TENM4: variants seen among roughly 807,000 people sequenced by gnomAD.
The protein encoded by TENM4 is teneurin-4.
In TENM4, 82 loss-of-function variants were observed where a neutral mutation model predicts 243.3. That is an observed-to-expected ratio of 0.34 (90% CI 0.28 to 0.40). The LOEUF is 0.40. Among genes scored for constraint, TENM4 ranks in the 10% least tolerant of loss-of-function variants. The probability of loss-of-function intolerance (pLI) is 1.00; values close to 1 mark genes in which losing one functional copy is unlikely to be tolerated. For synonymous variants in TENM4, 1,412 were observed against 1,456.3 expected (o/e 0.97, Z 0.69); for missense variants, 3,138 against 3,673.3 (o/e 0.85, Z 3.77).
chr11:79,370,779 TAAAAAAAAAAAAAA>T lies in TENM4; in HGVS notation c.-321+69716_-321+69729del, dbSNP rs544196671. On this transcript the variant is annotated intron_variant, in intron 1 of 33. Coordinates refer to ENST00000278550, the MANE Select transcript of TENM4 (RefSeq NM_001098816.3). ...ACTCCTAAAGGCACAACTCCTATGG[TAAAAAAAAAAAAAA>T]AAAAAAAAAAAAAAAAGTGATAAAT... Among the ~76,000 whole-genome samples, 194 of 57,174 alleles carry T rather than the reference TAAAAAAAAAAAAAA, an allele frequency of 3.4e-3. 5 individuals carry two copies. The highest frequency in any genetic ancestry group is 0.01 in the African/African-American group (176 of 16,988). 37.5% of individuals were successfully genotyped at this position (57,174 alleles called of 152,430 possible).
chr11:79,268,559 T>C (rs915708404), intron 2 of TENM4, among the ~76,000 whole-genome samples: 1 of 152,212 alleles, frequency 6.6e-6, no homozygotes, highest in Non-Finnish European at 1.5e-5. Context: ...ATTGTATTTG[T>C]GAATTTTGCT....
chr11:78,804,997 A>C (rs1055160919), intron 15 of TENM4, among the ~76,000 whole-genome samples: 1 of 152,176 alleles, frequency 6.6e-6, no homozygotes, highest in Admixed American at 6.5e-5. Context: ...ATGATGTCTT[A>C]ACATGAGATG....
intron 6 of TENM4, among the ~76,000 whole-genome samples, chr11:78,950,780 A>G (rs1857094373): frequency 6.6e-6 from 1 of 152,268 alleles, no homozygotes; most frequent in African/African-American, 2.4e-5. Context: ...CATAAGGGAA[A>G]AATGAAAACT....
chr11:79,315,310 C>A (rs1164357106), intron 1 of TENM4, among the ~76,000 whole-genome samples: 1 of 152,184 alleles, frequency 6.6e-6, no homozygotes, highest in East Asian at 1.9e-4. Context: ...AGCTGGGGCC[C>A]TGCTCCCAGA....
At chr11:78,811,569 A>AGCACACAC (rs1857500835) in intron 14 of TENM4, among the ~76,000 whole-genome samples, 1 of 65,032 alleles carries the variant, frequency 1.5e-5, no homozygotes, top group African/African-American at 4.0e-5. Flanking sequence ...CATACACATG[A>AGCACACAC]ACACACACAC....
At chr11:79,192,099 G>GC (rs1863519840) in intron 3 of TENM4, among the ~76,000 whole-genome samples, 1 of 149,506 alleles carries the variant, frequency 6.7e-6, no homozygotes, top group African/African-American at 2.5e-5. Flanking sequence ...GGTGGGGGGG[G>GC]GTCAGCCCCC....
chr11:79,251,796 T>A, intron 2 of TENM4, among the ~76,000 whole-genome samples: 1 of 142,302 alleles, frequency 7.0e-6, no homozygotes. Flanking sequence ...AATAAGCAAA[T>A]AAAACTCGAA....
intron 2 of TENM4, among the ~76,000 whole-genome samples, chr11:79,249,055 A>G (rs905732345): frequency 4.6e-5 from 7 of 152,222 alleles, no homozygotes; most frequent in African/African-American, 1.7e-4. Flanking sequence ...TTCAATTTTT[A>G]TTTAGCATCA....
rs147535964 is a variant in TENM4 at position 79,233,961 on chromosome 11, C to T, written c.-264-18052G>A. Among the ~76,000 whole-genome samples the T allele has an allele frequency of 9.9e-5, 15 of 152,284 alleles. No homozygotes were observed. In the East Asian group the frequency reaches 2.9e-3, roughly 29 times the overall value. ...CTGTGTGAGGGGAAGCATGCAGTTACCTCTGCAGTGTGATGGATCCCAACG... is the reference window on the plus strand; with the variant it reads ...CTGTGTGAGGGGAAGCATGCAGTTATCTCTGCAGTGTGATGGATCCCAACG... On this transcript the variant is annotated intron_variant, in intron 2 of 33. Transcript: ENST00000278550.
Position 79,211,269 on chromosome 11 carries a change from G to A in TENM4, c.-163+4539C>T, listed in dbSNP as rs12294028. Reference sequence around the variant, plus strand: ...TAAGGTCTCCCTACAGCAGTGAGGCGTCATTCCAGGAGAACTCCTGTCCCC... The same window carrying A: ...TAAGGTCTCCCTACAGCAGTGAGGCATCATTCCAGGAGAACTCCTGTCCCC... On this transcript the variant is annotated intron_variant, in intron 3 of 33. Coordinates refer to ENST00000278550, the MANE Select transcript of TENM4 (RefSeq NM_001098816.3). 6.0e-3 allele frequency among the ~76,000 whole-genome samples: 908 copies of A among 152,296 alleles called. 10 individuals are homozygous for A. The highest frequency in any genetic ancestry group is 0.02 in the African/African-American group (825 of 41,564).
At chr11:79,173,936 G>T (rs1167280800) in intron 3 of TENM4, among the ~76,000 whole-genome samples, 1 of 152,186 alleles carries the variant, frequency 6.6e-6, no homozygotes, top group East Asian at 1.9e-4. Flanking sequence ...TAAGGGAAAA[G>T]GTGGCTAGAG....
intron 6 of TENM4, among the ~76,000 whole-genome samples, chr11:79,057,272 C>G (rs932650399): frequency 3.9e-5 from 6 of 152,074 alleles, no homozygotes; most frequent in Non-Finnish European, 8.8e-5. Flanking sequence ...GCACACACCC[C>G]TACTCCCTCC....
intron 2 of TENM4, among the ~76,000 whole-genome samples, chr11:79,232,382 A>T (rs1403511335): frequency 6.6e-6 from 1 of 152,244 alleles, no homozygotes; most frequent in Admixed American, 6.5e-5. Flanking sequence ...CTGCACGGGC[A>T]GCCCCAGCCT....
intron 1 of TENM4, among the ~76,000 whole-genome samples, chr11:79,331,246 C>T (rs547355387): frequency 1.8e-4 from 28 of 151,852 alleles, no homozygotes; most frequent in Non-Finnish European, 3.7e-4. Context: ...TTTTTTTACC[C>T]CTTTGCACAG....
chr11:78,848,612 T>C (rs1858456897), intron 12 of TENM4, among the ~76,000 whole-genome samples: 2 of 152,202 alleles, frequency 1.3e-5, no homozygotes, highest in Admixed American at 1.3e-4. Context: ...AGGCAAGTCC[T>C]CACCTTCCTT....
chr11:78,866,459 A>T (rs558303424), intron 9 of TENM4, among the ~76,000 whole-genome samples: 787 of 45,416 alleles, frequency 0.017, 15 homozygotes, highest in South Asian at 0.011. Context: ...GTCCTTGCTT[A>T]AAAAAAAAAA....
chr11:78,917,306 A>G (rs1332380538), intron 6 of TENM4, among the ~76,000 whole-genome samples: 1 of 152,202 alleles, frequency 6.6e-6, no homozygotes, highest in Non-Finnish European at 1.5e-5. Flanking sequence ...CCTTCACCGA[A>G]GAGCGGCCAT....
At chr11:78,723,595 G>T (rs1374745160) in intron 23 of TENM4, among the ~76,000 whole-genome samples, 1 of 152,268 alleles carries the variant, frequency 6.6e-6, no homozygotes, top group Non-Finnish European at 1.5e-5. Context: ...CCTTGGGCCT[G>T]TTTCCCCACC....
At chr11:78,934,162 AAAGACAG>A (rs1294574043) in intron 6 of TENM4, among the ~76,000 whole-genome samples, 7 of 152,200 alleles carry the variant, frequency 4.6e-5, no homozygotes, top group African/African-American at 1.7e-4. Flanking sequence ...GATCCTGCAG[AAAGACAG>A]AGTGGGGCTG....
Sources: gnomAD v4.1 joint callset for allele counts (sites outside exome capture counted in the v4.1 genomes callset) on GRCh38, gnomAD v4.1.1 for gene constraint, MANE v1.5 for transcripts, NCBI Gene and HGNC (gene_info 2026-07-23, HGNC 2026-07-21) for gene names.